The following CHST9 variants were observed in gnomAD, a reference collection of about 807,000 sequenced individuals.
The protein encoded by CHST9 is GalNAc-4-sulfotransferase 2.
Under a neutral mutation model 44.4 loss-of-function variants are expected in CHST9, and 41 were observed. That is an observed-to-expected ratio of 0.92 (90% CI 0.72 to 1.20). The LOEUF is 1.20. Among genes scored for constraint, CHST9 ranks in the 50% most tolerant of loss-of-function variants. The probability of loss-of-function intolerance (pLI) is 0.00; values close to 1 mark genes in which losing one functional copy is unlikely to be tolerated. For missense variants in CHST9, 504 were observed against 516.5 expected (o/e 0.98, Z 0.23); for synonymous variants, 171 against 178.4 (o/e 0.96, Z 0.33).
At chr18:27,099,588 G>A (rs1027742703) in intron 2 of CHST9, among the ~76,000 whole-genome samples, 1 of 151,906 alleles carries the variant, frequency 6.6e-6, no homozygotes, top group Non-Finnish European at 1.5e-5. Flanking sequence ...GTACATACAA[G>A]TGGCCAAGAA....
chr18:26,917,009 A>G lies in CHST9; in HGVS notation c.582T>C (p.His194=). Residue 194 remains histidine, a synonymous_variant, in exon 6 of 6, where the codon CAT becomes CAC. Coordinates refer to ENST00000618847, the MANE Select transcript of CHST9 (RefSeq NM_031422.6). ...CTGTATGAAAAAGATGTGACTGATG[A>G]TGACTCACCCCACCGTATTTCTTGC... is the stretch of plus-strand genomic sequence containing the variant. ...EFCKKYGGVS[H]HQSHLFHTVS... The G allele has an allele frequency of 6.2e-7, 1 of 1,613,934 alleles. No homozygotes were observed. The highest frequency in any genetic ancestry group is 8.5e-7 in the Non-Finnish European group (1 of 1,179,880).
chr18:26,950,067 G>A (rs1023715250), intron 4 of CHST9, among the ~76,000 whole-genome samples: 3 of 152,152 alleles, frequency 2.0e-5, no homozygotes, highest in Admixed American at 1.3e-4. Flanking sequence ...GTTGTTTTAA[G>A]CCACAGAGTT....
intron 2 of CHST9, among the ~76,000 whole-genome samples, chr18:27,090,722 T>G (rs1342658257): frequency 1.3e-5 from 2 of 152,218 alleles, no homozygotes; most frequent in African/African-American, 4.8e-5. Flanking sequence ...CCATTTCTTG[T>G]TTTTGTCAGG....
intron 4 of CHST9, among the ~76,000 whole-genome samples, chr18:26,970,614 G>A (rs537632478): frequency 5.9e-4 from 90 of 152,238 alleles, no homozygotes; most frequent in African/African-American, 2.1e-3. Context: ...TTTTTGTAGA[G>A]ATGGGGTTTC....
chr18:27,009,771 A>G (rs1362606223), intron 4 of CHST9, among the ~76,000 whole-genome samples: 3 of 152,208 alleles, frequency 2.0e-5, no homozygotes, highest in Non-Finnish European at 4.4e-5. Flanking sequence ...TCTGAAACAA[A>G]GCTTCTGAGT....
chr18:26,934,085 G>T (rs2055931522), intron 5 of CHST9, among the ~76,000 whole-genome samples: 1 of 152,134 alleles, frequency 6.6e-6, no homozygotes, highest in Non-Finnish European at 1.5e-5. Flanking sequence ...CCCTGTGAGT[G>T]CGAACGGCCC....
In CHST9 at chr18:27,017,176, C is replaced by T. The variant is rs547149813; in HGVS notation, c.202+6940G>A. Among the ~76,000 whole-genome samples the T allele has an allele frequency of 6.9e-4, 105 of 152,228 alleles. No individual in the cohort carries two copies. In the South Asian group the frequency reaches 0.011, roughly 15 times the overall value. Reference sequence around the variant, plus strand: ...AACCAAGGAGACACTGGAAAATTTACGGTTAATCACAAATTATTGGGATAT... The same window carrying T: ...AACCAAGGAGACACTGGAAAATTTATGGTTAATCACAAATTATTGGGATAT... On this transcript the variant is annotated intron_variant, in intron 4 of 5. Coordinates refer to ENST00000618847, the MANE Select transcript of CHST9 (RefSeq NM_031422.6).
At chr18:27,011,397 G>T (rs1228427706) in intron 4 of CHST9, among the ~76,000 whole-genome samples, 1 of 152,110 alleles carries the variant, frequency 6.6e-6, no homozygotes, top group Non-Finnish European at 1.5e-5. Context: ...TGAGCGGAAG[G>T]TAAGGGATGC....
chr18:26,975,916 A>T (rs1237057692), intron 4 of CHST9, among the ~76,000 whole-genome samples: 5 of 151,380 alleles, frequency 3.3e-5, no homozygotes, highest in Admixed American at 1.3e-4. Context: ...GGCCTTTTGT[A>T]TTCCCACATA....
At chr18:27,173,656 A>T (rs2058848621) in intron 1 of CHST9, among the ~76,000 whole-genome samples, 1 of 152,026 alleles carries the variant, frequency 6.6e-6, no homozygotes, top group Non-Finnish European at 1.5e-5. Context: ...TTATATATAA[A>T]TTATGGAATT....
intron 4 of CHST9, among the ~76,000 whole-genome samples, chr18:26,969,328 A>G (rs938312764): frequency 1.3e-5 from 2 of 151,020 alleles, no homozygotes; most frequent in African/African-American, 4.9e-5. Context: ...TTATATTTTA[A>G]TACTCTTTAC....
At chr18:27,142,668 A>G (rs1381299505) in intron 2 of CHST9, 21 bp downstream of exon 2, 4 of 1,537,124 alleles carry the variant, frequency 2.6e-6, no homozygotes, top group Non-Finnish European at 3.5e-6. Context: ...ATTAAAATAG[A>G]AGAAAAAGCA....
At chr18:27,179,906 C>A (rs548714181) in intron 1 of CHST9, among the ~76,000 whole-genome samples, 2 of 152,076 alleles carry the variant, frequency 1.3e-5, no homozygotes, top group African/African-American at 2.4e-5. Context: ...CGGTGAGTAA[C>A]CTTCATCTCT....
At chr18:27,184,178 T>TCA (rs1194160445) in intron 1 of CHST9, among the ~76,000 whole-genome samples, 2 of 152,078 alleles carry the variant, frequency 1.3e-5, no homozygotes, top group East Asian at 1.9e-4. Flanking sequence ...GAGAAAAAAG[T>TCA]CACACACACA....
At chr18:27,053,130 G>GGAAGAGGAAGAGGAA (rs2057589824) in intron 2 of CHST9, among the ~76,000 whole-genome samples, 1 of 71,236 alleles carries the variant, frequency 1.4e-5, no homozygotes, top group African/African-American at 5.6e-5. Context: ...AGGAAGAAGA[G>GGAAGAGGAAGAGGAA]GAAGAAGAAG....
At chr18:27,118,985 G>A (rs534811136) in intron 2 of CHST9, among the ~76,000 whole-genome samples, 1 of 152,198 alleles carries the variant, frequency 6.6e-6, no homozygotes, top group South Asian at 2.1e-4. Flanking sequence ...ATGTTGGCAC[G>A]TATTCATTTT....
intron 3 of CHST9, among the ~76,000 whole-genome samples, chr18:27,042,488 A>G (rs573992749): frequency 1.2e-3 from 183 of 152,198 alleles, no homozygotes; most frequent in South Asian, 7.7e-3. Context: ...AGAGGAGCAC[A>G]ATCAGTTTTC....
chr18:27,135,412 C>T (rs1203880540), intron 2 of CHST9, among the ~76,000 whole-genome samples: 1 of 152,092 alleles, frequency 6.6e-6, no homozygotes, highest in African/African-American at 2.4e-5. Context: ...TAACTTGAAG[C>T]CTGTCTTGGT....
At chr18:27,147,940 T>G (rs973096020) in intron 1 of CHST9, among the ~76,000 whole-genome samples, 1 of 151,986 alleles carries the variant, frequency 6.6e-6, no homozygotes, top group African/African-American at 2.4e-5. Context: ...AGGGGTTTGT[T>G]GTACAGATTA....
Sources: gnomAD v4.1 joint callset for allele counts (sites outside exome capture counted in the v4.1 genomes callset) on GRCh38, gnomAD v4.1.1 for gene constraint, MANE v1.5 for transcripts, NCBI Gene and HGNC (gene_info 2026-07-23, HGNC 2026-07-21) for gene names.